Variants in ARAP2 observed in about 807,000 individuals in gnomAD.
ARAP2 encodes ArfGAP with RhoGAP domain, ankyrin repeat and PH domain 2.
ARAP2 carries 148 observed loss-of-function variants against 194.5 expected under a neutral mutation model. The observed-to-expected ratio is 0.76, with a 90% CI of 0.67 to 0.87. The LOEUF is 0.87. ARAP2 is among the 40% of genes least tolerant of loss of function. ARAP2 has a pLI of 0.00. For synonymous variants in ARAP2, 695 were observed against 683.5 expected (o/e 1.02, Z -0.26); for missense variants, 2,128 against 1,989.7 (o/e 1.07, Z -1.32).
intron 19 of ARAP2, among the ~76,000 whole-genome samples, chr4:36,136,606 A>G (rs1339574883): frequency 6.6e-6 from 1 of 151,884 alleles, no homozygotes; most frequent in Non-Finnish European, 1.5e-5. Flanking sequence ...GATTTTAAAC[A>G]AAACTGAAAA....
rs748055506 is a variant in ARAP2, at chr4:36,168,238, TAGA to T, written c.1858-1194_1858-1192del. Reference sequence around the variant, plus strand: ...TGGAAGAGGAGGGGCCGAAAAGCCTTAGAAGAAGAAAGCCTTTCAGCCCTTACT... The same window carrying T: ...TGGAAGAGGAGGGGCCGAAAAGCCTTAGAAGAAAGCCTTTCAGCCCTTACT... On this transcript the variant is annotated intron_variant, in intron 9 of 32. Coordinates refer to ENST00000303965, the MANE Select transcript of ARAP2 (RefSeq NM_015230.4). Among the ~76,000 whole-genome samples, 51 of 152,312 alleles carry T rather than the reference TAGA, an allele frequency of 3.3e-4. 1 individual carries two copies. Among genetic ancestry groups the T allele is most frequent in the African/African-American group, 1.2e-3 (48 of 41,582 alleles).
intron 9 of ARAP2, among the ~76,000 whole-genome samples, chr4:36,167,635 T>C (rs895061738): frequency 2.6e-5 from 4 of 152,198 alleles, no homozygotes; most frequent in African/African-American, 2.4e-5. Flanking sequence ...TTAGGAGATA[T>C]ACAATTTTAC....
intron 2 of ARAP2, among the ~76,000 whole-genome samples, chr4:36,053,781 T>C (rs535503412): frequency 6.6e-6 from 1 of 152,224 alleles, no homozygotes. Context: ...TAACTTCTAA[T>C]CAAATCCCAG....
intron 8 of ARAP2, among the ~76,000 whole-genome samples, chr4:36,180,535 G>A (rs759280918): frequency 9.2e-5 from 14 of 152,138 alleles, no homozygotes; most frequent in African/African-American, 1.4e-4. Context: ...ACTTGTGATC[G>A]TTAGTTTCAC....
intron 15 of ARAP2, among the ~76,000 whole-genome samples, chr4:36,153,490 C>T (rs549475972): frequency 6.6e-6 from 1 of 152,260 alleles, no homozygotes; most frequent in South Asian, 2.1e-4. Flanking sequence ...ATGAATGACA[C>T]TCAGGACTTA....
At chr4:36,058,732 G>C (rs1723931068) in intron 1 of ARAP2, among the ~76,000 whole-genome samples, 1 of 151,944 alleles carries the variant, frequency 6.6e-6, no homozygotes, top group East Asian at 2.0e-4. Context: ...CACTATTTTA[G>C]ATTCTAGGAA....
At chr4:36,177,287 T>C (rs1440218456) in intron 9 of ARAP2, among the ~76,000 whole-genome samples, 1 of 152,158 alleles carries the variant, frequency 6.6e-6, no homozygotes, top group Non-Finnish European at 1.5e-5. Context: ...TATAGCTAGA[T>C]GTATGTATGT....
At chr4:36,006,366 T>A (rs1032227847) in intron 10 of ARAP2, 1 of 152,194 alleles carries the variant, frequency 6.6e-6, no homozygotes, top group African/African-American at 2.4e-5. Flanking sequence ...ATCGCTGTCA[T>A]AAACACTTGA....
At chr4:36,220,226 C>T (rs1226396946) in intron 2 of ARAP2, among the ~76,000 whole-genome samples, 1 of 151,100 alleles carries the variant, frequency 6.6e-6, no homozygotes, top group Non-Finnish European at 1.5e-5. Flanking sequence ...CATATAGGCA[C>T]ACGTGTGTGT....
At chr4:36,184,280 T>C (rs1378775300) in intron 8 of ARAP2, among the ~76,000 whole-genome samples, 4 of 140,240 alleles carry the variant, frequency 2.9e-5, no homozygotes, top group East Asian at 2.0e-4. Context: ...CATAAACATA[T>C]ATATATATAT....
intron 30 of ARAP2, among the ~76,000 whole-genome samples, chr4:36,081,215 T>C (rs1729465584): frequency 3.3e-5 from 5 of 152,108 alleles, no homozygotes; most frequent in Admixed American, 3.3e-4. Context: ...TAAAATACTG[T>C]AGGTGCAAAG....
chr4:36,118,302 A>AC (rs1560467401), intron 24 of ARAP2, among the ~76,000 whole-genome samples: 4 of 150,730 alleles, frequency 2.7e-5, no homozygotes, highest in East Asian at 2.0e-4. Flanking sequence ...AAAAAAAAAA[A>AC]AAAACTTAAA....
intron 28 of ARAP2, among the ~76,000 whole-genome samples, chr4:36,089,026 G>C (rs1247778360): frequency 6.6e-6 from 1 of 152,024 alleles, no homozygotes; most frequent in Non-Finnish European, 1.5e-5. Context: ...TTGAATCTCA[G>C]AGAGTTGTTG....
intron 8 of ARAP2, among the ~76,000 whole-genome samples, chr4:36,185,692 A>AGTT (rs1338496610): frequency 4.6e-5 from 7 of 152,066 alleles, no homozygotes; most frequent in Non-Finnish European, 1.0e-4. Flanking sequence ...TAGGATAATA[A>AGTT]TGGATGGGCG....
chr4:36,082,385 G>A, intron 29 of ARAP2, 99 bp from the exon 30 acceptor site: 2 of 1,222,780 alleles, frequency 1.6e-6, no homozygotes, highest in East Asian at 5.1e-5. Flanking sequence ...ATTTAATGGT[G>A]GGAATGCATA....
chr4:36,023,026 C>A (rs1044730155), intron 5 of ARAP2, among the ~76,000 whole-genome samples: 1 of 152,132 alleles, frequency 6.6e-6, no homozygotes, highest in African/African-American at 2.4e-5. Context: ...TGCAGTGTTG[C>A]CAGTCTCTCC....
Position 36,229,045 on chromosome 4 carries a change from G to A in ARAP2, c.442C>T (p.Pro148Ser). 6.2e-7 allele frequency: 1 copy of A among 1,614,108 alleles called. No individual in the cohort carries two copies. Among genetic ancestry groups the A allele is most frequent in the South Asian group, 1.1e-5 (1 of 91,080 alleles). ...GCAGTGGGGAAGTCGCGTTTAGGAG[G>A]AGACAGCTTATCATCTGATTGAGGA... ...QYPQSDDKLS[P>S]PKRDFPTAEE... Residue 148 changes from proline (P) to serine (S), a missense_variant, in exon 2 of 33, where the codon CCT (proline) becomes TCT (serine). Transcript: ENST00000303965.
chr4:36,124,752 G>T, intron 22 of ARAP2, 110 bp downstream of exon 22: 1 of 595,638 alleles, frequency 1.7e-6, no homozygotes, highest in Non-Finnish European at 2.9e-6. Flanking sequence ...CAGAAAGAGA[G>T]ACTAAGGTGA....
intron 29 of ARAP2, 125 bp downstream of exon 29, chr4:36,083,240 AACT>A: frequency 1.4e-6 from 1 of 690,770 alleles, no homozygotes; most frequent in South Asian, 1.7e-5. Context: ...CAGGGGAAGC[AACT>A]TAAAAAAAAT....
Sources: gnomAD v4.1 joint callset for allele counts (sites outside exome capture counted in the v4.1 genomes callset) on GRCh38, gnomAD v4.1.1 for gene constraint, MANE v1.5 for transcripts, NCBI Gene and HGNC (gene_info 2026-07-23, HGNC 2026-07-21) for gene names.